The following CCDC91 variants were observed in gnomAD, a reference collection of about 807,000 sequenced individuals.
The protein encoded by CCDC91 is coiled-coil domain containing 91.
In CCDC91, 48 loss-of-function variants were observed where a neutral mutation model predicts 63.2. The observed-to-expected ratio is 0.76, with a 90% CI of 0.60 to 0.97. The LOEUF (loss-of-function observed/expected upper bound fraction) is 0.97. Among genes scored for constraint, CCDC91 ranks in the 50% least tolerant of loss-of-function variants. The pLI is 0.00. For missense variants in CCDC91, 500 were observed against 494.6 expected, an observed-to-expected ratio of 1.01 and a Z score of -0.10; for synonymous variants, 167 against 165.8, an observed-to-expected ratio of 1.01 and a Z score of -0.06.
chr12:28,289,677 T>G (rs1281440300), intron 3 of CCDC91, among the ~76,000 whole-genome samples: 1 of 109,038 alleles, frequency 9.2e-6, no homozygotes, highest in Non-Finnish European at 1.9e-5. Context: ...GGAGAGTTCT[T>G]TTCTTTTCTT....
At chr12:28,520,114 T>G (rs985435018) in intron 12 of CCDC91, among the ~76,000 whole-genome samples, 2 of 152,086 alleles carry the variant, frequency 1.3e-5, no homozygotes, top group Non-Finnish European at 2.9e-5. Flanking sequence ...GGTCAAATGG[T>G]ATTTAGTTCT....
chr12:28,228,507 A>G (rs1944409123), intron 1 of CCDC91, among the ~76,000 whole-genome samples: 1 of 152,076 alleles, frequency 6.6e-6, no homozygotes, highest in Admixed American at 6.6e-5. Flanking sequence ...CAGAATTCTT[A>G]TCGATGGTAA....
intron 1 of CCDC91, among the ~76,000 whole-genome samples, chr12:28,200,863 G>GC (rs61201156): frequency 6.6e-5 from 10 of 150,790 alleles, no homozygotes; most frequent in African/African-American, 2.4e-4. Flanking sequence ...GGGCAGAGGC[G>GC]CCCCTCACCT....
intron 3 of CCDC91, among the ~76,000 whole-genome samples, chr12:28,275,765 T>G (rs1948165910): frequency 6.6e-6 from 1 of 152,068 alleles, no homozygotes; most frequent in African/African-American, 2.4e-5. Flanking sequence ...TCAAAAAGCT[T>G]ATCCACCATG....
At chr12:28,452,412 A>G (rs1949851364) in intron 10 of CCDC91, 66 bp from the exon 11 acceptor site, 2 of 1,122,928 alleles carry the variant, frequency 1.8e-6, no homozygotes, top group Admixed American at 2.5e-5. Context: ...AGGTTAACCA[A>G]GTCTGTTACT....
intron 6 of CCDC91, among the ~76,000 whole-genome samples, chr12:28,360,900 ATG>A (rs899559648): frequency 2.5e-4 from 38 of 151,806 alleles, no homozygotes; most frequent in Non-Finnish European, 4.4e-4. Flanking sequence ...TTTTTTGTGT[ATG>A]TGTTTGTTTT....
At position 28,508,178 on chromosome 12, in the gene CCDC91, TATA is replaced by T. The variant is rs1036216331; in HGVS notation, c.1215+24018_1215+24020del. On this transcript the variant is annotated intron_variant, in intron 12 of 12. Transcript: ENST00000536442. The stretch of plus-strand genomic sequence containing the variant: ...TGTACACTCAGATCCACTTCCTCTA[TATA>T]ATAAGTTCTTGTAACAGCTCCTCTA... Among the ~76,000 whole-genome samples the T allele has an allele frequency of 5.9e-5, 9 of 152,004 alleles. No individual in the cohort carries two copies. In the South Asian group the frequency reaches 1.2e-3, roughly 21 times the overall value.
At chr12:28,304,395 AAAAAAAG>A (rs1565764782) in intron 3 of CCDC91, among the ~76,000 whole-genome samples, 90 of 122,744 alleles carry the variant, frequency 7.3e-4, no homozygotes, top group Non-Finnish European at 1.3e-3. Flanking sequence ...AAAAAAAAAA[AAAAAAAG>A]AAAAAAAAAA....
At chr12:28,403,250 T>C (rs1946745832) in intron 8 of CCDC91, among the ~76,000 whole-genome samples, 1 of 152,202 alleles carries the variant, frequency 6.6e-6, no homozygotes, top group Non-Finnish European at 1.5e-5. Flanking sequence ...TTTGTTGGAA[T>C]TCACCAGCAA....
intron 6 of CCDC91, among the ~76,000 whole-genome samples, chr12:28,334,707 A>G (rs1941790879): frequency 6.6e-6 from 1 of 152,170 alleles, no homozygotes; most frequent in African/African-American, 2.4e-5. Flanking sequence ...TGGGTTGCCT[A>G]ATAAAGTAAG....
chr12:28,283,116 G>A (rs1948704331), intron 3 of CCDC91, among the ~76,000 whole-genome samples: 3 of 151,324 alleles, frequency 2.0e-5, no homozygotes, highest in East Asian at 3.9e-4. Flanking sequence ...CTATAGCCTT[G>A]TAGTATAATT....
intron 11 of CCDC91, among the ~76,000 whole-genome samples, chr12:28,456,408 A>G (rs1180166026): frequency 1.3e-5 from 2 of 152,148 alleles, no homozygotes; most frequent in Non-Finnish European, 2.9e-5. Context: ...AGCCAAACTC[A>G]GTAAATTTTC....
chr12:28,384,473 A>G (rs1464450264), intron 7 of CCDC91, among the ~76,000 whole-genome samples: 1 of 152,114 alleles, frequency 6.6e-6, no homozygotes, highest in Admixed American at 6.6e-5. Flanking sequence ...CACCAAAATC[A>G]ATGCTACATA....
intron 6 of CCDC91, among the ~76,000 whole-genome samples, chr12:28,316,313 T>A (rs960676386): frequency 5.9e-5 from 9 of 151,748 alleles, no homozygotes; most frequent in Non-Finnish European, 1.2e-4. Flanking sequence ...TTCATTTCTT[T>A]TTGATCTAAA....
chr12:28,320,598 A>G (rs1592299347), intron 6 of CCDC91, among the ~76,000 whole-genome samples: 2 of 151,970 alleles, frequency 1.3e-5, no homozygotes, highest in Non-Finnish European at 2.9e-5. Context: ...AGACCTCAGC[A>G]GTAAGTGAAG....
intron 3 of CCDC91, among the ~76,000 whole-genome samples, chr12:28,298,749 A>G (rs1176802204): frequency 1.0e-4 from 15 of 148,448 alleles, no homozygotes; most frequent in South Asian, 6.4e-4. Context: ...AACAACAACA[A>G]CAACAAAAAA....
intron 1 of CCDC91, among the ~76,000 whole-genome samples, chr12:28,212,173 A>G (rs1236142634): frequency 6.6e-6 from 1 of 152,160 alleles, no homozygotes; most frequent in Non-Finnish European, 1.5e-5. Flanking sequence ...GGGGGTCGTT[A>G]GAAGCTCTGC....
At chr12:28,270,821 A>G (rs1947719550) in intron 3 of CCDC91, among the ~76,000 whole-genome samples, 1 of 152,100 alleles carries the variant, frequency 6.6e-6, no homozygotes, top group African/African-American at 2.4e-5. Flanking sequence ...GCTTGACGTT[A>G]GGAGGTAAGA....
chr12:28,507,362 T>C (rs1938855338), intron 12 of CCDC91, among the ~76,000 whole-genome samples: 4 of 151,966 alleles, frequency 2.6e-5, no homozygotes, highest in Non-Finnish European at 4.4e-5. Flanking sequence ...CACTGTCCCA[T>C]CTGTAGCAGC....
Sources: allele counts gnomAD v4.1 joint callset (sites outside exome capture counted in the v4.1 genomes callset), GRCh38; gene constraint gnomAD v4.1.1; transcripts MANE v1.5; gene names NCBI Gene and HGNC (gene_info 2026-07-23, HGNC 2026-07-21).